Variants in KCNJ1 observed in about 807,000 individuals in gnomAD.
KCNJ1 encodes potassium inwardly rectifying channel subfamily J member 1.
In KCNJ1, 24 loss-of-function variants were observed where a neutral mutation model predicts 21.9. The observed-to-expected ratio is 1.10, with a 90% confidence interval of 0.79 to 1.54. KCNJ1 has a LOEUF of 1.54. Ranked by LOEUF, KCNJ1 falls within the 40% of genes most tolerant of loss-of-function variation. The pLI is 0.00. For synonymous variants in KCNJ1, 152 were observed against 160.9 expected (o/e 0.94, Z 0.42); for missense variants, 457 against 455.4 (o/e 1.00, Z -0.03).
In KCNJ1 at chr11:128,843,211, C is replaced by T. The variant is rs56912433; in HGVS notation, c.-21-2947G>A. Among the ~76,000 whole-genome samples, 822 of 152,240 alleles carry T rather than the reference C, an allele frequency of 5.4e-3. 6 individuals carry two copies. Among genetic ancestry groups the T allele is most frequent in the African/African-American group, 0.018 (766 of 41,526 alleles). On this transcript the variant is annotated intron_variant, in intron 2 of 2. Coordinates refer to ENST00000392666, the MANE Select transcript of KCNJ1 (RefSeq NM_153766.3). ...ATGGCAGACCTATTATTGCACAGAT[C>T]CTACTTTTTTTAGATAATGGCATTT...
At chr11:128,857,371 C>T (rs886466051) in intron 1 of KCNJ1, among the ~76,000 whole-genome samples, 2 of 152,208 alleles carry the variant, frequency 1.3e-5, no homozygotes, top group Non-Finnish European at 2.9e-5. Context: ...GATGCATTCA[C>T]TTATTGTCGA....
chr11:128,840,124 C>T lies in KCNJ1; in HGVS notation c.120G>A (p.Gln40=). 5 of 1,614,208 alleles carry T rather than the reference C, an allele frequency of 3.1e-6. No individual in the cohort carries two copies. Among genetic ancestry groups the T allele is most frequent in the Non-Finnish European group, 4.2e-6 (5 of 1,180,030 alleles). The change falls in exon 3 of 3, where the codon CAG becomes CAA. Residue 40 remains glutamine (Q), a synonymous_variant. Transcript: ENST00000392666. ...CNIEFGNVEA[Q]SRFIFFVDIW... is the part of the protein sequence containing the mutation. Reference sequence around the variant, plus strand: ...TGTCCACAAAGAATATAAACCTTGACTGTGCCTCCACATTGCCAAATTCTA... The same window carrying T: ...TGTCCACAAAGAATATAAACCTTGATTGTGCCTCCACATTGCCAAATTCTA...
Position 128,840,118 on chromosome 11 carries a change from C to T in KCNJ1, c.126G>A (p.Arg42=). Residue 42 remains arginine (R), a synonymous_variant, in exon 3 of 3, where the codon AGG becomes AGA. Coordinates refer to ENST00000392666, the MANE Select transcript of KCNJ1 (RefSeq NM_153766.3). ...IEFGNVEAQS[R]FIFFVDIWTT... ...TCCAGATGTCCACAAAGAATATAAACCTTGACTGTGCCTCCACATTGCCAA... is the reference window on the plus strand; with the variant it reads ...TCCAGATGTCCACAAAGAATATAAATCTTGACTGTGCCTCCACATTGCCAA... 6.2e-7 allele frequency: 1 copy of T among 1,614,170 alleles called. No homozygotes were observed. Among genetic ancestry groups the T allele is most frequent in the Non-Finnish European group, 8.5e-7 (1 of 1,180,030 alleles).
At position 128,839,577 on chromosome 11, in the gene KCNJ1, T is replaced by C. The variant is rs770743838; in HGVS notation, c.667A>G (p.Ile223Val). 5.0e-6 allele frequency: 8 copies of C among 1,613,920 alleles called. No homozygotes were observed. The South Asian group carries it at 6.6e-5, about 13-fold the overall frequency. Residue 223 changes from isoleucine to valine, a missense_variant, in exon 3 of 3, where the codon ATT (isoleucine) becomes GTT (valine). Coordinates refer to ENST00000392666, the MANE Select transcript of KCNJ1 (RefSeq NM_153766.3). ...KTTVTPEGET[I>V]ILDQININFV... Reference sequence around the variant, plus strand: ...TTGATATTGATCTGGTCCAAAATAATGGTCTCTCCTTCAGGAGTGACTGTG... The same window carrying C: ...TTGATATTGATCTGGTCCAAAATAACGGTCTCTCCTTCAGGAGTGACTGTG...
chr11:128,866,502 T>C (rs978239124), intron 1 of KCNJ1: 2 of 945,218 alleles, frequency 2.1e-6, no homozygotes, highest in South Asian at 4.9e-5. Flanking sequence ...GATACAGATA[T>C]TGGGAGAAGG....
rs551127219 is a variant in KCNJ1 at position 128,844,052 on chromosome 11, T to A, written c.-21-3788A>T. ...GAAGATGAGTTAGAGTCACATATAG[T>A]AGAAACTCTATAAATATTTGCTGAA... On this transcript the variant is annotated intron_variant, in intron 2 of 2. Transcript: ENST00000392666. 1.1e-4 allele frequency among the ~76,000 whole-genome samples: 17 copies of A among 152,320 alleles called. 1 individual carries two copies. In the South Asian group the frequency reaches 3.3e-3, roughly 30 times the overall value.
At chr11:128,861,181 TC>T (rs1164571228) in intron 1 of KCNJ1, among the ~76,000 whole-genome samples, 1 of 152,188 alleles carries the variant, frequency 6.6e-6, no homozygotes, top group Non-Finnish European at 1.5e-5. Flanking sequence ...TCCCTGGGGC[TC>T]CCTAACCCAC....
chr11:128,858,318 C>T (rs1195416758), intron 1 of KCNJ1, among the ~76,000 whole-genome samples: 4 of 152,116 alleles, frequency 2.6e-5, no homozygotes, highest in Admixed American at 1.3e-4. Context: ...TAAGGAGGTT[C>T]GCAACACAGC....
chr11:128,849,032 C>A (rs749882051), intron 2 of KCNJ1, among the ~76,000 whole-genome samples: 2 of 152,186 alleles, frequency 1.3e-5, no homozygotes, highest in African/African-American at 4.8e-5. Flanking sequence ...ACGATGCCAG[C>A]GGTGCCCCTC....
In KCNJ1 at chr11:128,838,904, T is replaced by C. The variant is rs1389207724; in HGVS notation, c.*221A>G. 1.7e-6 allele frequency: 1 copy of C among 581,896 alleles called. No homozygotes were observed. The highest frequency in any genetic ancestry group is 3.0e-6 in the Non-Finnish European group (1 of 328,038). The allele number at this position is 581,896 out of a possible 1,614,324, so 36.0% of individuals were successfully genotyped here. On this transcript the variant is annotated 3_prime_UTR_variant, in exon 3 of 3. Coordinates refer to ENST00000392666, the MANE Select transcript of KCNJ1 (RefSeq NM_153766.3). ...TTCAAGAGAGCACCTATGTCTTCCA[T>C]ACACCAGTTTCATATAAATGCATTG... is the stretch of plus-strand genomic sequence containing the variant.
intron 1 of KCNJ1, among the ~76,000 whole-genome samples, chr11:128,862,896 T>G (rs553566296): frequency 1.3e-5 from 2 of 152,320 alleles, no homozygotes; most frequent in Non-Finnish European, 1.5e-5. Flanking sequence ...CTTATCTCTC[T>G]GAATATCTCA....
chr11:128,861,080 A>C (rs1282520750), intron 1 of KCNJ1, among the ~76,000 whole-genome samples: 1 of 152,218 alleles, frequency 6.6e-6, no homozygotes, highest in Non-Finnish European at 1.5e-5. Flanking sequence ...ACGAATGCCC[A>C]GCATCTGCTC....
At chr11:128,858,717 C>G (rs939697766) in intron 1 of KCNJ1, among the ~76,000 whole-genome samples, 1 of 152,120 alleles carries the variant, frequency 6.6e-6, no homozygotes, top group Non-Finnish European at 1.5e-5. Context: ...CACTCTGTGA[C>G]ATAGACAGCA....
chr11:128,840,299 A>G (rs1943262374), intron 2 of KCNJ1, 35 bp from the exon 3 acceptor site: 2 of 1,602,396 alleles, frequency 1.2e-6, no homozygotes, highest in African/African-American at 1.3e-5. Flanking sequence ...AAAAAGGATT[A>G]TGTTTATAGC....
intron 1 of KCNJ1, among the ~76,000 whole-genome samples, chr11:128,857,525 G>A (rs1234239081): frequency 2.0e-5 from 3 of 152,222 alleles, no homozygotes; most frequent in African/African-American, 7.2e-5. Flanking sequence ...AGTGCCACAA[G>A]TGCAGGGACC....
In KCNJ1 at chr11:128,838,990, T is replaced by A; in HGVS notation, c.*135A>T. On this transcript the variant is annotated 3_prime_UTR_variant, in exon 3 of 3. Transcript: ENST00000392666. ...TCTTGTGGGATCACAATTGCGGGGC[T>A]CAGGGGTCTTTGTGCTGGTAGACTT... The A allele has an allele frequency of 1.3e-6, 1 of 751,778 alleles. No individual in the cohort carries two copies. Among genetic ancestry groups the A allele is most frequent in the Non-Finnish European group, 2.3e-6 (1 of 440,192 alleles). The allele number at this position is 751,778 out of a possible 1,614,324, so 46.6% of individuals were successfully genotyped here.
At chr11:128,860,001 C>A (rs1321706767) in intron 1 of KCNJ1, among the ~76,000 whole-genome samples, 3 of 152,182 alleles carry the variant, frequency 2.0e-5, no homozygotes, top group African/African-American at 7.2e-5. Context: ...CTCCGCCGGG[C>A]CTCCCGCTTA....
intron 1 of KCNJ1, among the ~76,000 whole-genome samples, chr11:128,854,709 T>C (rs1943552029): frequency 6.6e-6 from 1 of 152,184 alleles, no homozygotes; most frequent in African/African-American, 2.4e-5. Context: ...ACTTCCTGAA[T>C]AAGGGCCACT....
intron 2 of KCNJ1, among the ~76,000 whole-genome samples, chr11:128,841,397 A>AT (rs1341430133): frequency 2.0e-5 from 3 of 152,300 alleles, no homozygotes; most frequent in South Asian, 4.1e-4. Context: ...TGCTCAATTG[A>AT]TTTTTTATAG....
Sources: gnomAD v4.1 joint callset for allele counts (sites outside exome capture counted in the v4.1 genomes callset) on GRCh38, gnomAD v4.1.1 for gene constraint, MANE v1.5 for transcripts, NCBI Gene and HGNC (gene_info 2026-07-23, HGNC 2026-07-21) for gene names.